The following USP25 variants were observed in gnomAD, a reference collection of about 807,000 sequenced individuals.
The protein encoded by USP25 is ubiquitin specific peptidase 25.
USP25 carries 85 observed loss-of-function variants against 158.5 expected under a neutral mutation model. The ratio of observed to expected loss-of-function variants is 0.54; its 90% confidence interval spans 0.45 to 0.64. The LOEUF is 0.64. USP25 is among the 30% of genes least tolerant of loss of function. The pLI is 0.00. For missense variants in USP25, 1,242 were observed against 1,327.3 expected (o/e 0.94, Z 1.00); for synonymous variants, 464 against 460.4 (o/e 1.01, Z -0.10).
At chr21:15,817,116 A>C (rs1334606569) in intron 9 of USP25, among the ~76,000 whole-genome samples, 1 of 151,814 alleles carries the variant, frequency 6.6e-6, no homozygotes, top group African/African-American at 2.4e-5. Context: ...TGGGTGACAG[A>C]GCGAGACTCT....
rs767387103 is a variant in USP25, at chr21:15,878,428, G to T, written c.3331G>T (p.Ala1111Ser). Residue 1111 changes from alanine (A) to serine (S), a missense_variant, in exon 26 of 26, where the codon GCC becomes TCC. Around this residue, in one of 3 missense-constraint regions of USP25, gnomAD observed 608 missense variants for 605.2 expected, o/e 1.00. Coordinates refer to ENST00000400183, the MANE Select transcript of USP25 (RefSeq NM_001283041.3). The stretch of plus-strand genomic sequence containing the variant: ...CACGCATGAACTCTGTGAGCGATTT[G>T]CCCGAATCATGTTGTCCCTCAGTCG... ...YSTHELCERFARIMLSLSRTP... is the reference protein window; with the variant it reads ...YSTHELCERFSRIMLSLSRTP... The T allele has an allele frequency of 2.5e-6, 4 of 1,613,884 alleles. No homozygotes were observed. In the African/African-American group the frequency reaches 5.3e-5, roughly 22 times the overall value.
chr21:15,854,132 A>T (rs908702684), intron 20 of USP25, among the ~76,000 whole-genome samples: 4 of 150,840 alleles, frequency 2.7e-5, no homozygotes, highest in Non-Finnish European at 4.4e-5. Context: ...TTGAGGGAAA[A>T]GTTGTTTGTT....
chr21:15,820,000 C>A (rs554051789), intron 10 of USP25, among the ~76,000 whole-genome samples: 1 of 152,124 alleles, frequency 6.6e-6, no homozygotes, highest in East Asian at 1.9e-4. Flanking sequence ...TCAAAGTTAT[C>A]CAGGCAGGGT....
At chr21:15,827,232 G>A (rs527621937) in intron 14 of USP25, 29 bp downstream of exon 14, 2 of 1,557,046 alleles carry the variant, frequency 1.3e-6, no homozygotes. Context: ...CATGGTTACT[G>A]TCACCTCAGA....
intron 22 of USP25, among the ~76,000 whole-genome samples, chr21:15,867,854 C>T (rs1471130365): frequency 6.6e-6 from 1 of 152,028 alleles, no homozygotes; most frequent in Non-Finnish European, 1.5e-5. Flanking sequence ...GAGACATTAA[C>T]AAAGACCTAA....
chr21:15,784,650 G>T (rs191797347), intron 4 of USP25, among the ~76,000 whole-genome samples: 302 of 152,186 alleles, frequency 2.0e-3, no homozygotes, highest in African/African-American at 6.7e-3. Context: ...AGGGGAAAAA[G>T]TCTAGATTAT....
chr21:15,862,319 C>T (rs1410984866), intron 20 of USP25, among the ~76,000 whole-genome samples: 1 of 151,898 alleles, frequency 6.6e-6, no homozygotes, highest in Non-Finnish European at 1.5e-5. Flanking sequence ...ATTGGAGTAT[C>T]ATGGATTTTG....
chr21:15,805,377 A>G (rs1188716485), intron 7 of USP25, 119 bp downstream of exon 7: 3 of 1,025,750 alleles, frequency 2.9e-6, no homozygotes, highest in Non-Finnish European at 3.9e-6. Flanking sequence ...ATTAAAAATA[A>G]CCTGGAACCA....
intron 1 of USP25, among the ~76,000 whole-genome samples, chr21:15,733,878 T>A (rs1241470707): frequency 6.6e-6 from 1 of 151,950 alleles, no homozygotes; most frequent in African/African-American, 2.4e-5. Context: ...AATGAAAGCT[T>A]GAAAAACTGT....
At chr21:15,787,446 C>CA (rs1383975925) in intron 4 of USP25, among the ~76,000 whole-genome samples, 4 of 152,098 alleles carry the variant, frequency 2.6e-5, no homozygotes, top group Non-Finnish European at 5.9e-5. Context: ...GAAATGGACA[C>CA]ACCTACAGCC....
chr21:15,731,450 G>C (rs1344330661), intron 1 of USP25, among the ~76,000 whole-genome samples: 1 of 152,142 alleles, frequency 6.6e-6, no homozygotes, highest in Non-Finnish European at 1.5e-5. Flanking sequence ...CCACCCTGTT[G>C]TAGATTTGGT....
chr21:15,830,388 T>C (rs1013815617), intron 14 of USP25, 143 bp from the exon 15 acceptor site: 1 of 572,016 alleles, frequency 1.7e-6, no homozygotes, highest in Non-Finnish European at 3.0e-6. Context: ...TTTCTACAGA[T>C]TTCAAATGGT....
chr21:15,809,401 T>C (rs2146287146), intron 8 of USP25, among the ~76,000 whole-genome samples: 1 of 152,154 alleles, frequency 6.6e-6, no homozygotes, highest in African/African-American at 2.4e-5. Context: ...CTATGTGGCC[T>C]AACTTCAAAG....
intron 3 of USP25, among the ~76,000 whole-genome samples, chr21:15,777,006 G>A (rs2034694192): frequency 6.6e-6 from 1 of 152,016 alleles, no homozygotes; most frequent in African/African-American, 2.4e-5. Context: ...AATATACCAT[G>A]GTTTCTATCA....
chr21:15,773,965 A>G lies in USP25; in HGVS notation c.269-3939A>G, dbSNP rs375521547. Among the ~76,000 whole-genome samples the G allele has an allele frequency of 9.3e-4, 141 of 152,312 alleles. 1 individual carries two copies. The highest frequency in any genetic ancestry group is 3.3e-3 in the African/African-American group (137 of 41,578). On this transcript the variant is annotated intron_variant, in intron 3 of 25. Coordinates refer to ENST00000400183, the MANE Select transcript of USP25 (RefSeq NM_001283041.3). The stretch of plus-strand genomic sequence containing the variant: ...TTCTGAAGGTTTGCATTCTATTGCA[A>G]TAAGTTGTTTTGGTTGAAGTTTGTG...
chr21:15,874,595 T>C, intron 24 of USP25, 69 bp downstream of exon 24: 1 of 1,449,542 alleles, frequency 6.9e-7, no homozygotes, highest in African/African-American at 1.4e-5. Context: ...CAGACTCATA[T>C]ATAAGTGATT....
chr21:15,730,420 G>A lies in USP25; in HGVS notation c.27G>A (p.Gln9=). MTVEQNVL[Q]QSAAQKHQQT... ...TGACCGTGGAGCAGAACGTGCTGCAGCAGAGCGCGGCGCAGAAGGTGAGGC... is the reference window on the plus strand; with the variant it reads ...TGACCGTGGAGCAGAACGTGCTGCAACAGAGCGCGGCGCAGAAGGTGAGGC... The change falls in exon 1 of 26, where the codon CAG becomes CAA. Residue 9 remains glutamine, a synonymous_variant. Coordinates refer to ENST00000400183, the MANE Select transcript of USP25 (RefSeq NM_001283041.3). The A allele has an allele frequency of 7.3e-7, 1 of 1,362,508 alleles. No homozygotes were observed. Among genetic ancestry groups the A allele is most frequent in the Non-Finnish European group, 9.5e-7 (1 of 1,048,482 alleles). The allele number at this position is 1,362,508 out of a possible 1,614,324, so 84.4% of individuals were successfully genotyped here.
chr21:15,837,339 G>C (rs1423997996), intron 17 of USP25, among the ~76,000 whole-genome samples: 1 of 127,996 alleles, frequency 7.8e-6, no homozygotes, highest in Non-Finnish European at 1.6e-5. Flanking sequence ...GTGTGGATCA[G>C]AGTGAGTAGG....
chr21:15,737,750 G>A (rs2031658873), intron 1 of USP25, among the ~76,000 whole-genome samples: 1 of 151,334 alleles, frequency 6.6e-6, no homozygotes, highest in Admixed American at 6.6e-5. Flanking sequence ...GCGAGGTAGG[G>A]ATACAGTTTT....
Sources: gnomAD v4.1 joint callset for allele counts (sites outside exome capture counted in the v4.1 genomes callset) on GRCh38, gnomAD v4.1.1 for gene constraint, gnomAD v4.1.1 regional missense constraint, MANE v1.5 for transcripts, NCBI Gene and HGNC (gene_info 2026-07-23, HGNC 2026-07-21) for gene names.